PAPLN: variants seen among roughly 807,000 people sequenced by gnomAD.
The protein encoded by PAPLN is papilin, proteoglycan like sulfated glycoprotein, also known as papilin.
In PAPLN, 146 loss-of-function variants were observed where a neutral mutation model predicts 159.0. The observed-to-expected ratio is 0.92, with a 90% CI of 0.80 to 1.05. PAPLN has a LOEUF of 1.05. PAPLN is among the 50% of genes least tolerant of loss of function. The pLI is 0.00. For synonymous variants in PAPLN, 734 were observed against 702.9 expected (o/e 1.04, Z -0.70); for missense variants, 1,720 against 1,743.9 (o/e 0.99, Z 0.24).
intron 6 of PAPLN, 97 bp from the exon 7 acceptor site, chr14:73,250,810 C>T: frequency 1.4e-6 from 2 of 1,420,254 alleles, no homozygotes; most frequent in Non-Finnish European, 9.3e-7. Flanking sequence ...CCTATCCTGC[C>T]TGGGCTGCGT....
intron 7 of PAPLN, among the ~76,000 whole-genome samples, 178 bp downstream of exon 7, chr14:73,251,208 C>T (rs891399987): frequency 3.3e-5 from 5 of 152,162 alleles, no homozygotes; most frequent in East Asian, 1.9e-4. Flanking sequence ...GACTCGTGCC[C>T]GCTCGTGCAG....
chr14:73,246,022 C>A, intron 4 of PAPLN, 51 bp from the exon 5 acceptor site: 1 of 1,461,252 alleles, frequency 6.8e-7, no homozygotes, highest in South Asian at 1.3e-5. Context: ...GGGAGGTGGG[C>A]GGACCTCGGA....
In PAPLN at chr14:73,239,847, GC is replaced by G; in HGVS notation, c.54+19del. 2 of 1,574,140 alleles carry G rather than the reference GC, an allele frequency of 1.3e-6. No homozygotes were observed. The highest frequency in any genetic ancestry group is 2.3e-5 in the East Asian group (1 of 43,362). On this transcript the variant is annotated intron_variant, in intron 2 of 26. Coordinates refer to ENST00000644200, the MANE Select transcript of PAPLN (RefSeq NM_001365906.3). Reference sequence around the variant, plus strand: ...CCGGGTCCTCGGTGAGTGCGGTCCTGCCCCGGCCCCCGGAGGAACCTGCAGG... The same window carrying G: ...CCGGGTCCTCGGTGAGTGCGGTCCTGCCCGGCCCCCGGAGGAACCTGCAGG...
chr14:73,245,145 T>G lies in PAPLN; in HGVS notation c.170+386T>G. On this transcript the variant is annotated intron_variant, in intron 3 of 26. Coordinates refer to ENST00000644200, the MANE Select transcript of PAPLN (RefSeq NM_001365906.3). The surrounding 1 kb of genome is among the most constrained non-coding windows in gnomAD (Gnocchi z 4.2). ...CAAGCGATTTATTAAATGCTTGCTGTGTGTGCTGCACTCCGGCAGGGTCAG... is the reference window on the plus strand; with the variant it reads ...CAAGCGATTTATTAAATGCTTGCTGGGTGTGCTGCACTCCGGCAGGGTCAG... The G allele has an allele frequency of 4.7e-6, 1 of 212,240 alleles. No homozygotes were observed. The highest frequency in any genetic ancestry group is 9.6e-6 in the Non-Finnish European group (1 of 104,230). The allele number at this position is 212,240 out of a possible 1,614,324, so 13.1% of individuals were successfully genotyped here. A position where few individuals can be genotyped will look rare whatever the true frequency, so the allele number is the denominator to read the frequency against.
Position 73,263,405 on chromosome 14 carries a change from T to C in PAPLN, c.2724-240T>C, listed in dbSNP as rs1258424442. ...CACCCCTTGGGCTTTGCACCTACCT[T>C]GTTGCTGCTACAAGAACAGGTTGAG... On this transcript the variant is annotated intron_variant, in intron 19 of 26. Coordinates refer to ENST00000644200, the MANE Select transcript of PAPLN (RefSeq NM_001365906.3). 8.6e-6 allele frequency: 5 copies of C among 578,688 alleles called. No individual in the cohort carries two copies. The East Asian group carries it at 1.1e-4, about 13-fold the overall frequency. The allele number at this position is 578,688 out of a possible 1,614,324, so 35.8% of individuals were successfully genotyped here.
chr14:73,251,450 G>T (rs1225288279), intron 7 of PAPLN, 36 bp from the exon 8 acceptor site: 1 of 1,583,940 alleles, frequency 6.3e-7, no homozygotes, highest in Non-Finnish European at 8.6e-7. Flanking sequence ...GAGAGGGATA[G>T]CCCAGCACAC....
At chr14:73,257,753 C>CTTTTTTTTTTTTTTTTTTTTTTT (rs562890068) in intron 14 of PAPLN, among the ~76,000 whole-genome samples, 5 of 91,254 alleles carry the variant, frequency 5.5e-5, no homozygotes, top group East Asian at 4.9e-4. Flanking sequence ...TCTCTTTCTT[C>CTTTTTTTTTTTTTTTTTTTTTTT]TTTTTTTTTT....
chr14:73,253,544 C>G (rs2140245296), intron 11 of PAPLN, among the ~76,000 whole-genome samples: 1 of 152,232 alleles, frequency 6.6e-6, no homozygotes, highest in East Asian at 1.9e-4. Context: ...GCGCAGGGCC[C>G]CGAGTTGTGG....
At chr14:73,253,098 G>T in intron 11 of PAPLN, 4 of 1,392,186 alleles carry the variant, frequency 2.9e-6, no homozygotes, top group Non-Finnish European at 3.8e-6. Context: ...ATGCCAAGGG[G>T]TGGGCCAGGG....
intron 5 of PAPLN, 102 bp from the exon 6 acceptor site, chr14:73,249,882 G>A: frequency 7.3e-7 from 1 of 1,366,390 alleles, no homozygotes. Flanking sequence ...CTGCTGCAGG[G>A]CTTTCTGACC....
rs759989500 is a variant in PAPLN at position 73,252,032 on chromosome 14, G to T, written c.858G>T (p.Glu286Asp). 44 of 1,609,888 alleles carry T rather than the reference G, an allele frequency of 2.7e-5. No homozygotes were observed. The highest frequency in any genetic ancestry group is 1.6e-4 in the Middle Eastern group (1 of 6,062). ...TCCCGTGACAGCTCATCAGCCAGGA[G>T]CCCAACCCCGGTGTGCACTATGAGT... ...EPLVIELISQ[E>D]PNPGVHYEYH... is the part of the protein sequence containing the mutation. Residue 286 changes from glutamate to aspartate, a missense_variant, in exon 10 of 27, where the codon GAG (glutamate) becomes GAT (aspartate). By Grantham distance (45) the Glu-to-Asp change is conservative. Transcript: ENST00000644200.
intron 5 of PAPLN, among the ~76,000 whole-genome samples, chr14:73,248,648 C>G (rs772940274): frequency 6.6e-6 from 1 of 151,194 alleles, no homozygotes; most frequent in Non-Finnish European, 1.5e-5. Context: ...ACCAAAAATA[C>G]GAAGATTAGC....
intron 20 of PAPLN, chr14:73,263,994 CGACCTCCTCT>C: frequency 6.7e-7 from 1 of 1,497,136 alleles, no homozygotes; most frequent in South Asian, 1.2e-5. Flanking sequence ...GACAGCCCCC[CGACCTCCTCT>C]GACAGGTTCA....
chr14:73,262,758 G>T lies in PAPLN; in HGVS notation c.2654G>T (p.Gly885Val). 1 of 1,510,306 alleles carries T rather than the reference G, an allele frequency of 6.6e-7. No individual in the cohort carries two copies. Among genetic ancestry groups the T allele is most frequent in the South Asian group, 1.4e-5 (1 of 72,776 alleles). The allele number at this position is 1,510,306 out of a possible 1,614,324, so 93.6% of individuals were successfully genotyped here. A position where few individuals can be genotyped will look rare whatever the true frequency, so the allele number is the denominator to read the frequency against. ...FGEWPWGQEL[G>V]SRAPGLGGDA... ...GAATGGCCATGGGGGCAGGAGCTTG[G>T]GTCCAGGGCCCCTGGACTGGGTGGA... Residue 885 changes from glycine to valine, a missense_variant, in exon 19 of 27, where the codon GGG becomes GTG. Transcript: ENST00000644200.
chr14:73,272,718 A>T lies in PAPLN; in HGVS notation c.*54A>T. 1 of 1,425,434 alleles carries T rather than the reference A, an allele frequency of 7.0e-7. No homozygotes were observed. The allele number at this position is 1,425,434 out of a possible 1,614,324, so 88.3% of individuals were successfully genotyped here. A position where few individuals can be genotyped will look rare whatever the true frequency, so the allele number is the denominator to read the frequency against. ...AAAATAGTTCATAGGGCTAGGGAGA[A>T]AGGAAGATGGACTCTTGGCTTCCTC... On this transcript the variant is annotated 3_prime_UTR_variant, in exon 27 of 27. Transcript: ENST00000644200.
chr14:73,269,005 G>C (rs1393513615), intron 26 of PAPLN, among the ~76,000 whole-genome samples: 1 of 152,170 alleles, frequency 6.6e-6, no homozygotes, highest in Non-Finnish European at 1.5e-5. Flanking sequence ...AATGCATGCA[G>C]GACATTCAGA....
At chr14:73,261,562 G>A (rs900709365) in intron 18 of PAPLN, among the ~76,000 whole-genome samples, 12 of 152,352 alleles carry the variant, frequency 7.9e-5, no homozygotes, top group African/African-American at 2.9e-4. Flanking sequence ...AGGCAGTCTC[G>A]TGCTTGGGAG....
chr14:73,259,451 A>AG lies in PAPLN; in HGVS notation c.1892dup (p.His632ThrfsTer37). ...GTCGGGCTCAGGGCCCCACGACTGC[A>AG]GACACAGTCCTCACGGGTGCTGCCC... On this transcript the variant is annotated frameshift_variant, in exon 16 of 27. Coordinates refer to ENST00000644200, the MANE Select transcript of PAPLN (RefSeq NM_001365906.3). LOFTEE classifies it high-confidence loss of function. 6.2e-7 allele frequency: 1 copy of AG among 1,612,450 alleles called. No homozygotes were observed. Among genetic ancestry groups the AG allele is most frequent in the Non-Finnish European group, 8.5e-7 (1 of 1,179,554 alleles).
chr14:73,265,057 G>A lies in PAPLN; in HGVS notation c.3126-313G>A, dbSNP rs758863781. On this transcript the variant is annotated intron_variant, in intron 22 of 26. Transcript: ENST00000644200. The surrounding 1 kb of genome is among the most constrained non-coding windows in gnomAD (Gnocchi z 4.1). Reference sequence around the variant, plus strand: ...GTTTACAGAGGGGGTGTGGAGGACCGGAGGGGGTGCCCAACTCAAAGACCT... The same window carrying A: ...GTTTACAGAGGGGGTGTGGAGGACCAGAGGGGGTGCCCAACTCAAAGACCT... Among the ~76,000 whole-genome samples the A allele has an allele frequency of 2.1e-4, 32 of 152,262 alleles. No homozygotes were observed. The highest frequency in any genetic ancestry group is 9.2e-4 in the Admixed American group (14 of 15,296).
Sources: allele counts gnomAD v4.1 joint callset (sites outside exome capture counted in the v4.1 genomes callset), GRCh38; gene constraint gnomAD v4.1.1; non-coding constraint Gnocchi (gnomAD v3.1); transcripts MANE v1.5; gene names NCBI Gene and HGNC (gene_info 2026-07-23, HGNC 2026-07-21).